ZFP69: variants seen among roughly 807,000 people sequenced by gnomAD.
ZFP69 encodes the protein zinc finger protein 69 homolog.
ZFP69 carries 35 observed loss-of-function variants against 48.9 expected under a neutral mutation model. The observed-to-expected ratio is 0.72, with a 90% CI of 0.55 to 0.95. ZFP69 has a LOEUF of 0.95. Among genes scored for constraint, ZFP69 ranks in the 40% least tolerant of loss-of-function variants. The probability of loss-of-function intolerance (pLI) is 0.00; values close to 1 mark genes in which losing one functional copy is unlikely to be tolerated. For missense variants in ZFP69, 557 were observed against 638.4 expected, an observed-to-expected ratio of 0.87 and a Z score of 1.37; for synonymous variants, 193 against 216.8, an observed-to-expected ratio of 0.89 and a Z score of 0.96.
chr1:40,481,826 C>T lies in ZFP69; in HGVS notation c.191C>T (p.Thr64Ile). The T allele has an allele frequency of 6.2e-7, 1 of 1,612,944 alleles. No individual in the cohort carries two copies. The highest frequency in any genetic ancestry group is 8.5e-7 in the Non-Finnish European group (1 of 1,179,234). Residue 64 changes from threonine (T) to isoleucine (I), a missense_variant, in exon 3 of 6, where the codon ACC (threonine) becomes ATC (isoleucine). Coordinates refer to ENST00000372706, the MANE Select transcript of ZFP69 (RefSeq NM_001320179.2). Reference sequence around the variant, plus strand: ...AGAGAAAGTTTAGAGGATGAAGTGACCCCTGGACTCCCGACAGCAGAATCC... The same window carrying T: ...AGAGAAAGTTTAGAGGATGAAGTGATCCCTGGACTCCCGACAGCAGAATCC... ...TQRESLEDEV[T>I]PGLPTAESQE...
rs759165203 is a variant in ZFP69, at chr1:40,495,943, C to A, written c.1465C>A (p.His489Asn). The A allele has an allele frequency of 5.0e-6, 8 of 1,614,196 alleles. 1 individual carries two copies. The South Asian group carries it at 8.8e-5, about 18-fold the overall frequency. Residue 489 changes from histidine to asparagine, a missense_variant, in exon 6 of 6, where the codon CAC becomes AAC. His to Asn is a moderately conservative substitution (Grantham distance 68, BLOSUM62 1). Coordinates refer to ENST00000372706, the MANE Select transcript of ZFP69 (RefSeq NM_001320179.2). ...DSSFKKHQRHHTGEKPYECNE... is the reference protein window; with the variant it reads ...DSSFKKHQRHNTGEKPYECNE... ...ATCCTTTAAAAAACATCAGAGACAT[C>A]ACACTGGAGAAAAACCTTACGAATG...
At chr1:40,484,366 A>AT (rs1645473953) in intron 3 of ZFP69, among the ~76,000 whole-genome samples, 1 of 151,108 alleles carries the variant, frequency 6.6e-6, no homozygotes, top group Admixed American at 6.6e-5. Flanking sequence ...CACCTGGCTA[A>AT]TTTTGTATTT....
At chr1:40,487,725 C>G (rs1326372901) in intron 3 of ZFP69, among the ~76,000 whole-genome samples, 1 of 152,180 alleles carries the variant, frequency 6.6e-6, no homozygotes, top group African/African-American at 2.4e-5. Context: ...CACTTCATCT[C>G]TCCGGTAAAT....
At chr1:40,491,779 G>GTA (rs1167094844) in intron 5 of ZFP69, among the ~76,000 whole-genome samples, 1 of 151,346 alleles carries the variant, frequency 6.6e-6, no homozygotes. Flanking sequence ...GTGTGTGTGT[G>GTA]TGTGTGTATA....
chr1:40,488,229 C>T (rs1645524427), intron 3 of ZFP69, among the ~76,000 whole-genome samples: 1 of 151,918 alleles, frequency 6.6e-6, no homozygotes, highest in Admixed American at 6.6e-5. Flanking sequence ...ATTTCCAAAC[C>T]CTTTCGTCTC....
At chr1:40,492,142 G>A (rs1416183015) in intron 5 of ZFP69, among the ~76,000 whole-genome samples, 3 of 152,148 alleles carry the variant, frequency 2.0e-5, no homozygotes, top group Non-Finnish European at 2.9e-5. Flanking sequence ...AAGAGGCTGA[G>A]GCAGGACTAC....
intron 3 of ZFP69, 82 bp downstream of exon 3, chr1:40,481,936 G>A: frequency 2.0e-6 from 2 of 975,968 alleles, no homozygotes; most frequent in Non-Finnish European, 3.1e-6. Flanking sequence ...GCAGAGGTGG[G>A]AGTGGTGGTG....
At chr1:40,494,883 A>C in intron 5 of ZFP69, 38 bp from the exon 6 acceptor site, 1 of 1,548,652 alleles carries the variant, frequency 6.5e-7, no homozygotes, top group Non-Finnish European at 8.8e-7. Context: ...TAACCACTAC[A>C]GTAATTGGTT....
chr1:40,479,624 G>C, intron 2 of ZFP69, 136 bp downstream of exon 2: 1 of 1,264,170 alleles, frequency 7.9e-7, no homozygotes. Context: ...TTGGGAAGGG[G>C]ACAGCTGTGA....
intron 3 of ZFP69, among the ~76,000 whole-genome samples, chr1:40,485,918 T>G (rs143076011): frequency 1.6e-3 from 242 of 152,260 alleles, no homozygotes; most frequent in African/African-American, 5.5e-3. Context: ...TGTTGTTGTT[T>G]TTTGAGACGG....
At chr1:40,481,721 A>T in intron 2 of ZFP69, 42 bp from the exon 3 acceptor site, 1 of 1,510,780 alleles carries the variant, frequency 6.6e-7, no homozygotes, top group Non-Finnish European at 9.0e-7. Context: ...TATTTGGGAG[A>T]TTTGGGGAGA....
intron 4 of ZFP69, 21 bp downstream of exon 4, chr1:40,489,235 C>T (rs765450530): frequency 6.2e-7 from 1 of 1,612,094 alleles, no homozygotes. Context: ...GCTATCCATG[C>T]ATCCAGAAAC....
intron 5 of ZFP69, among the ~76,000 whole-genome samples, chr1:40,494,256 A>ATTTTTTTTTTTTT (rs11286167): frequency 1.9e-5 from 1 of 52,032 alleles, no homozygotes. Flanking sequence ...AAGATTCAAA[A>ATTTTTTTTTTTTT]TTTTTTTTTT....
At chr1:40,489,973 G>A (rs1390740925) in intron 5 of ZFP69, among the ~76,000 whole-genome samples, 1 of 149,860 alleles carries the variant, frequency 6.7e-6, no homozygotes, top group African/African-American at 2.5e-5. Flanking sequence ...GAGTTCAAGC[G>A]ATTCTCCTGC....
chr1:40,492,672 G>C (rs1645580858), intron 5 of ZFP69, among the ~76,000 whole-genome samples: 2 of 152,118 alleles, frequency 1.3e-5, no homozygotes, highest in African/African-American at 2.4e-5. Flanking sequence ...GATTGGAATA[G>C]AATTGAATTT....
intron 2 of ZFP69, among the ~76,000 whole-genome samples, chr1:40,480,020 T>C (rs1645427868): frequency 2.6e-5 from 4 of 152,198 alleles, no homozygotes; most frequent in Admixed American, 2.6e-4. Flanking sequence ...ATGGAGGAAG[T>C]CATGTGTCTC....
chr1:40,487,049 C>G (rs367595850), intron 3 of ZFP69, among the ~76,000 whole-genome samples: 1 of 151,788 alleles, frequency 6.6e-6, no homozygotes, highest in Non-Finnish European at 1.5e-5. Flanking sequence ...CTCAGCCTTC[C>G]GAGTAGCTGG....
rs779276148 is a variant in ZFP69 at position 40,495,962 on chromosome 1, A to T, written c.1484A>T (p.Tyr495Phe). The T allele has an allele frequency of 5.0e-5, 80 of 1,614,052 alleles. No individual in the cohort carries two copies. Among genetic ancestry groups the T allele is most frequent in the Non-Finnish European group, 6.1e-5 (72 of 1,180,036 alleles). The change falls in exon 6 of 6, where the codon TAC becomes TTC. Residue 495 changes from tyrosine to phenylalanine, a missense_variant. Coordinates refer to ENST00000372706, the MANE Select transcript of ZFP69 (RefSeq NM_001320179.2). ...HQRHHTGEKPYECNECGKAFS... is the reference protein window; with the variant it reads ...HQRHHTGEKPFECNECGKAFS... ...AGACATCACACTGGAGAAAAACCTTACGAATGTAACGAATGTGGAAAAGCC... is the reference window on the plus strand; with the variant it reads ...AGACATCACACTGGAGAAAAACCTTTCGAATGTAACGAATGTGGAAAAGCC...
At chr1:40,493,220 T>C (rs1264371089) in intron 5 of ZFP69, 1 of 121,952 alleles carries the variant, frequency 8.2e-6, no homozygotes, top group Non-Finnish European at 1.6e-5. Flanking sequence ...AGTGAAACTC[T>C]GTCTCAAAAA....
Sources: allele counts gnomAD v4.1 joint callset (sites outside exome capture counted in the v4.1 genomes callset), GRCh38; gene constraint gnomAD v4.1.1; transcripts MANE v1.5; gene names NCBI Gene and HGNC (gene_info 2026-07-23, HGNC 2026-07-21).